The following OCA2 variants were observed in gnomAD, a reference collection of about 807,000 sequenced individuals.
OCA2 encodes the protein P protein.
In OCA2, 77 loss-of-function variants were observed where a neutral mutation model predicts 100.2. That is an observed-to-expected ratio of 0.77 (90% CI 0.64 to 0.93). OCA2 has a LOEUF of 0.93. Among genes scored for constraint, OCA2 ranks in the 40% least tolerant of loss-of-function variants. OCA2 has a pLI of 0.00. For missense variants in OCA2, 1,062 were observed against 1,089.1 expected (o/e 0.98, Z 0.35); for synonymous variants, 432 against 439.2 (o/e 0.98, Z 0.21).
At chr15:27,950,414 C>A in intron 18 of OCA2, 1 of 382,576 alleles carries the variant, frequency 2.6e-6, no homozygotes, top group Non-Finnish European at 5.2e-6. Flanking sequence ...TACACTGCAG[C>A]AATTTCTAGA....
At chr15:27,803,254 C>T (rs2033687467) in intron 23 of OCA2, among the ~76,000 whole-genome samples, 1 of 152,126 alleles carries the variant, frequency 6.6e-6, no homozygotes, top group Non-Finnish European at 1.5e-5. Flanking sequence ...GAATTAAAAA[C>T]AGGTCTTGAA....
At chr15:27,815,688 C>T (rs894236929) in intron 23 of OCA2, among the ~76,000 whole-genome samples, 4 of 152,200 alleles carry the variant, frequency 2.6e-5, no homozygotes, top group Admixed American at 6.5e-5. Flanking sequence ...TAGGATGGAA[C>T]ACATGTGACC....
intron 19 of OCA2, among the ~76,000 whole-genome samples, chr15:27,885,023 T>A (rs367878810): frequency 6.6e-6 from 1 of 152,232 alleles, no homozygotes; most frequent in Non-Finnish European, 1.5e-5. Context: ...TTTCTTTCAC[T>A]CTTTTACATT....
chr15:27,959,718 C>T (rs1006379137), intron 15 of OCA2, among the ~76,000 whole-genome samples: 2 of 152,164 alleles, frequency 1.3e-5, no homozygotes. Context: ...GTGGAGCTGA[C>T]CTCCCAGTCT....
Position 27,778,333 on chromosome 15 carries a change from T to C in OCA2, c.2433-22861A>G, listed in dbSNP as rs184956152. Among the ~76,000 whole-genome samples the C allele has an allele frequency of 4.9e-4, 75 of 152,280 alleles. 1 individual carries two copies. Among genetic ancestry groups the C allele is most frequent in the African/African-American group, 1.8e-3 (73 of 41,554 alleles). Reference sequence around the variant, plus strand: ...TCATTCTTCTGTTTCTAAAACGAGCTCATACGCACCAGGAGAATGTGACCA... The same window carrying C: ...TCATTCTTCTGTTTCTAAAACGAGCCCATACGCACCAGGAGAATGTGACCA... On this transcript the variant is annotated intron_variant, in intron 23 of 23. Coordinates refer to ENST00000354638, the MANE Select transcript of OCA2 (RefSeq NM_000275.3).
chr15:27,845,087 A>G, intron 22 of OCA2, 35 bp from the exon 23 acceptor site: 1 of 1,464,114 alleles, frequency 6.8e-7, no homozygotes, highest in Non-Finnish European at 9.6e-7. Context: ...ATCCCAGTTC[A>G]TCTTGGTGGT....
chr15:27,978,744 G>A (rs2041050684), intron 14 of OCA2, among the ~76,000 whole-genome samples: 1 of 151,740 alleles, frequency 6.6e-6, no homozygotes, highest in East Asian at 1.9e-4. Flanking sequence ...GGAGTGCAAT[G>A]GGGTGATCTT....
At position 27,771,724 on chromosome 15, in the gene OCA2, CT is replaced by C. The variant is rs2031883284; in HGVS notation, c.2433-16253del. Among the ~76,000 whole-genome samples, 3 of 152,292 alleles carry C rather than the reference CT, an allele frequency of 2.0e-5. No individual in the cohort carries two copies. The South Asian group carries it at 6.2e-4, about 32-fold the overall frequency. On this transcript the variant is annotated intron_variant, in intron 23 of 23. Coordinates refer to ENST00000354638, the MANE Select transcript of OCA2 (RefSeq NM_000275.3). ...TTTTTATCAGCATGTAATCGTCTGA[CT>C]TTAATCTTCTTTACCTCTGCTACTG... is the stretch of plus-strand genomic sequence containing the variant.
intron 18 of OCA2, among the ~76,000 whole-genome samples, chr15:27,943,100 T>C (rs1280446340): frequency 6.6e-6 from 1 of 152,208 alleles, no homozygotes; most frequent in Non-Finnish European, 1.5e-5. Flanking sequence ...TCATTAGGCC[T>C]TTCATCTGTA....
At chr15:28,019,482 G>A (rs1264996953) in intron 6 of OCA2, among the ~76,000 whole-genome samples, 1 of 152,132 alleles carries the variant, frequency 6.6e-6, no homozygotes, top group Non-Finnish European at 1.5e-5. Flanking sequence ...ACAATTACAG[G>A]CTTCTGAAAT....
Position 28,099,270 on chromosome 15 carries a change from C to T in OCA2, c.-68G>A, listed in dbSNP as rs1210764785. The T allele has an allele frequency of 6.6e-6, 1 of 152,290 alleles. No individual in the cohort carries two copies. Among genetic ancestry groups the T allele is most frequent in the African/African-American group, 2.4e-5 (1 of 41,468 alleles). The allele number at this position is 152,290 out of a possible 1,614,324, so 9.4% of individuals were successfully genotyped here. On this transcript the variant is annotated 5_prime_UTR_variant, in exon 1 of 24. In the 5' UTR this introduces an upstream ATG that the reference lacks. Coordinates refer to ENST00000354638, the MANE Select transcript of OCA2 (RefSeq NM_000275.3). ...TCCAGGAGTGAGTTTAAGGTCCGCA[C>T]CTCCGCTCTGGATGGTGAGCGGAGC... is the stretch of plus-strand genomic sequence containing the variant.
rs1365357121 is a variant in OCA2, at chr15:27,836,427, CT to C, written c.2432+8531del. Among the ~76,000 whole-genome samples the C allele has an allele frequency of 7.9e-5, 12 of 152,096 alleles. No individual in the cohort carries two copies. The East Asian group carries it at 2.3e-3, about 29-fold the overall frequency. Reference sequence around the variant, plus strand: ...TTTTCTTTCTTCTCTTTCCTTCCTTCTTTCCTTTCTTTCTTTCTTCTTTAGC... The same window carrying C: ...TTTTCTTTCTTCTCTTTCCTTCCTTCTTCCTTTCTTTCTTTCTTCTTTAGC... On this transcript the variant is annotated intron_variant, in intron 23 of 23. Coordinates refer to ENST00000354638, the MANE Select transcript of OCA2 (RefSeq NM_000275.3).
At chr15:27,888,656 C>T (rs764688598) in intron 19 of OCA2, among the ~76,000 whole-genome samples, 61 of 152,060 alleles carry the variant, frequency 4.0e-4, no homozygotes, top group Non-Finnish European at 7.1e-4. Context: ...AACAGAATTT[C>T]TTTTTTTTAA....
chr15:28,095,604 C>T (rs1478998022), intron 1 of OCA2, among the ~76,000 whole-genome samples: 1 of 151,950 alleles, frequency 6.6e-6, no homozygotes, highest in African/African-American at 2.4e-5. Context: ...GTAATCCCAG[C>T]TACTCGGGAG....
the OCA2 span, among the ~76,000 whole-genome samples, chr15:27,727,165 C>T: frequency 2.6e-5 from 4 of 152,214 alleles, no homozygotes; most frequent in Admixed American, 6.5e-5. Flanking sequence ...TCAGCTACAC[C>T]TCTCCGCTCT....
chr15:27,913,332 T>C (rs2038469567), intron 19 of OCA2, among the ~76,000 whole-genome samples: 1 of 149,236 alleles, frequency 6.7e-6, no homozygotes, highest in Non-Finnish European at 1.5e-5. Context: ...CAAAATTCTT[T>C]CAAAAGAAAA....
intron 21 of OCA2, among the ~76,000 whole-genome samples, chr15:27,852,486 G>T (rs2035790788): frequency 6.6e-6 from 1 of 152,110 alleles, no homozygotes; most frequent in Admixed American, 6.5e-5. Context: ...GAAAACCTAG[G>T]CAATACCATT....
At chr15:27,955,291 C>T in intron 16 of OCA2, 76 bp from the exon 17 acceptor site, 10 of 1,078,326 alleles carry the variant, frequency 9.3e-6, no homozygotes, top group East Asian at 2.4e-5. Context: ...CAGTCCCCAG[C>T]GCTTCGTGCC....
At chr15:28,069,368 CCCTCTCCCTCT>C in intron 2 of OCA2, among the ~76,000 whole-genome samples, 1 of 14,576 alleles carries the variant, frequency 6.9e-5, no homozygotes, top group Non-Finnish European at 1.2e-4. Context: ...CTCTCCCTCT[CCCTCTCCCTCT>C]CCCTCCCCCT....
Sources: gnomAD v4.1 joint callset for allele counts (sites outside exome capture counted in the v4.1 genomes callset) on GRCh38, gnomAD v4.1.1 for gene constraint, MANE v1.5 for transcripts, NCBI Gene and HGNC (gene_info 2026-07-23, HGNC 2026-07-21) for gene names.